Variants in EFCAB5 observed in about 807,000 individuals in gnomAD.
The protein encoded by EFCAB5 is EF-hand calcium-binding domain-containing protein 5.
Under a neutral mutation model 167.9 loss-of-function variants are expected in EFCAB5, and 131 were observed. That is an observed-to-expected ratio of 0.78 (90% CI 0.68 to 0.90). EFCAB5 has a LOEUF of 0.90. Ranked by LOEUF, EFCAB5 falls within the 40% of genes least tolerant of loss-of-function variation. EFCAB5 has a pLI of 0.00. For missense variants in EFCAB5, 1,663 were observed against 1,745.2 expected, an observed-to-expected ratio of 0.95 and a Z score of 0.84; for synonymous variants, 574 against 602.8, an observed-to-expected ratio of 0.95 and a Z score of 0.70.
chr17:30,080,312 C>G, intron 16 of EFCAB5, 71 bp downstream of exon 16: 1 of 1,456,902 alleles, frequency 6.9e-7, no homozygotes, highest in East Asian at 2.4e-5. Flanking sequence ...AAACTGGCAT[C>G]AAGATCCCAG....
chr17:30,058,513 A>G (rs2070338173), intron 13 of EFCAB5, among the ~76,000 whole-genome samples: 1 of 152,132 alleles, frequency 6.6e-6, no homozygotes, highest in Non-Finnish European at 1.5e-5. Flanking sequence ...GTGTATATTC[A>G]TTTTATTTTT....
chr17:29,969,993 T>C (rs969661394), intron 4 of EFCAB5, among the ~76,000 whole-genome samples: 2 of 152,212 alleles, frequency 1.3e-5, no homozygotes, highest in African/African-American at 2.4e-5. Flanking sequence ...ACTTTTCTTT[T>C]ATGGCATCAG....
At chr17:29,948,788 A>AT (rs1056290769) in intron 3 of EFCAB5, among the ~76,000 whole-genome samples, 5 of 152,192 alleles carry the variant, frequency 3.3e-5, no homozygotes, top group Middle Eastern at 3.4e-3. Flanking sequence ...CATTTTGAGA[A>AT]TTTTTTTTAA....
At chr17:30,028,283 C>T (rs2069385630) in intron 7 of EFCAB5, among the ~76,000 whole-genome samples, 1 of 152,216 alleles carries the variant, frequency 6.6e-6, no homozygotes. Flanking sequence ...AAGATTCTGT[C>T]TTTCCTTTAA....
At chr17:30,063,089 C>T (rs2070468823) in intron 14 of EFCAB5, among the ~76,000 whole-genome samples, 1 of 152,182 alleles carries the variant, frequency 6.6e-6, no homozygotes, top group Admixed American at 6.5e-5. Flanking sequence ...AGCTAAGGAA[C>T]TCTGCCCTAC....
At chr17:30,026,456 T>G (rs2069325975) in intron 7 of EFCAB5, among the ~76,000 whole-genome samples, 1 of 152,170 alleles carries the variant, frequency 6.6e-6, no homozygotes, top group Non-Finnish European at 1.5e-5. Flanking sequence ...GAGGATCTAC[T>G]CTTTCATTTC....
chr17:30,073,357 C>T (rs2070793261), intron 14 of EFCAB5, among the ~76,000 whole-genome samples: 1 of 152,072 alleles, frequency 6.6e-6, no homozygotes. Flanking sequence ...ATGCCCGACC[C>T]CAGCATTTCA....
intron 8 of EFCAB5, among the ~76,000 whole-genome samples, chr17:30,045,909 C>T (rs1308703354): frequency 1.3e-5 from 2 of 151,696 alleles, no homozygotes; most frequent in African/African-American, 2.4e-5. Context: ...AGTGTAGTGG[C>T]ATGGTACCTG....
chr17:30,066,384 A>T (rs1350833030), intron 14 of EFCAB5, among the ~76,000 whole-genome samples: 1 of 152,094 alleles, frequency 6.6e-6, no homozygotes, highest in African/African-American at 2.4e-5. Flanking sequence ...ATTTTTTTTG[A>T]ATTTTTACTT....
At chr17:30,028,222 T>C (rs578159102) in intron 7 of EFCAB5, among the ~76,000 whole-genome samples, 39 of 152,304 alleles carry the variant, frequency 2.6e-4, no homozygotes, top group African/African-American at 9.1e-4. Flanking sequence ...TTCAAACTGA[T>C]GTGGCTCCAA....
chr17:30,096,681 T>A lies in EFCAB5; in HGVS notation c.4321+3745T>A, dbSNP rs868387839. 9.5e-3 allele frequency among the ~76,000 whole-genome samples: 672 copies of A among 70,738 alleles called. 8 individuals carry two copies. The East Asian group carries it at 0.19, about 20-fold the overall frequency. 46.4% of individuals were successfully genotyped at this position (70,738 alleles called of 152,430 possible). On this transcript the variant is annotated intron_variant, in intron 22 of 22. Transcript: ENST00000394835. ...TATATATATATATATATATATATTT[T>A]TTTTTTTTTTTTTTTTGAGATGGAG... is the stretch of plus-strand genomic sequence containing the variant.
At chr17:29,956,110 C>A (rs1457654110) in intron 3 of EFCAB5, among the ~76,000 whole-genome samples, 1 of 152,108 alleles carries the variant, frequency 6.6e-6, no homozygotes, top group African/African-American at 2.4e-5. Context: ...ACTGGCTAGC[C>A]ATATGCAGAA....
In EFCAB5 at chr17:29,942,245, CAGAAA is replaced by C; in HGVS notation, c.53_57del (p.Lys18ArgfsTer10). ...TAACACTGTTTGCATTTCAGGAAAA[CAGAAA>C]AGAAGACAAAGAGAGGAAATGGAAC... On this transcript the variant is annotated frameshift_variant, in exon 2 of 23. Transcript: ENST00000394835. LOFTEE classifies it high-confidence loss of function. 6.3e-7 allele frequency: 1 copy of C among 1,584,820 alleles called. No individual in the cohort carries two copies. Among genetic ancestry groups the C allele is most frequent in the Non-Finnish European group, 8.6e-7 (1 of 1,165,332 alleles).
intron 3 of EFCAB5, among the ~76,000 whole-genome samples, chr17:29,963,878 G>A (rs934727733): frequency 5.3e-5 from 8 of 152,130 alleles, no homozygotes; most frequent in African/African-American, 1.7e-4. Flanking sequence ...AGTAATGAGT[G>A]AGTTCTCACT....
At chr17:30,084,658 C>A (rs2071052376) in intron 18 of EFCAB5, among the ~76,000 whole-genome samples, 1 of 152,300 alleles carries the variant, frequency 6.6e-6, no homozygotes, top group Admixed American at 6.5e-5. Flanking sequence ...ACGATCATAA[C>A]TTCCTAAGCC....
intron 1 of EFCAB5, chr17:29,930,278 C>T (rs984286429): frequency 1.5e-4 from 70 of 478,920 alleles, no homozygotes; most frequent in Admixed American, 3.1e-4. Flanking sequence ...CCTCTCCCCT[C>T]GGCGCGCGCC....
intron 5 of EFCAB5, 111 bp from the exon 6 acceptor site, chr17:29,996,201 C>A: frequency 1.2e-6 from 1 of 829,316 alleles, no homozygotes; most frequent in Non-Finnish European, 1.9e-6. Flanking sequence ...GAAAGATCAC[C>A]CAATACTAAA....
At chr17:30,098,656 T>C (rs1344030474) in intron 22 of EFCAB5, among the ~76,000 whole-genome samples, 4 of 152,202 alleles carry the variant, frequency 2.6e-5, no homozygotes, top group Non-Finnish European at 5.9e-5. Context: ...TGAGACATAA[T>C]TCACATGCCA....
intron 4 of EFCAB5, among the ~76,000 whole-genome samples, chr17:29,976,212 T>C (rs1034839860): frequency 6.9e-4 from 105 of 152,192 alleles, no homozygotes; most frequent in African/African-American, 2.4e-3. Context: ...TTAATGTCTA[T>C]AATAAGATAG....
Sources: gnomAD v4.1 joint callset for allele counts (sites outside exome capture counted in the v4.1 genomes callset) on GRCh38, gnomAD v4.1.1 for gene constraint, MANE v1.5 for transcripts, NCBI Gene and HGNC (gene_info 2026-07-23, HGNC 2026-07-21) for gene names.